The following DNAH14 variants were observed in gnomAD, a reference collection of about 807,000 sequenced individuals.
DNAH14 encodes the protein dynein axonemal heavy chain 14.
A neutral mutation model predicts 520.9 loss-of-function variants in DNAH14; 478 were observed. The ratio of observed to expected loss-of-function variants is 0.92; its 90% CI spans 0.85 to 0.99. DNAH14 has a LOEUF of 0.99. Ranked by LOEUF, DNAH14 falls within the 50% of genes least tolerant of loss-of-function variation. The pLI is 0.00. For missense variants in DNAH14, 4,831 were observed against 5,234.5 expected (o/e 0.92, Z 2.38); for synonymous variants, 1,581 against 1,757.2 (o/e 0.90, Z 2.51).
intron 8 of DNAH14, among the ~76,000 whole-genome samples, chr1:224,984,839 T>C (rs1446990320): frequency 6.6e-6 from 1 of 152,048 alleles, no homozygotes; most frequent in East Asian, 1.9e-4. Context: ...AAATAAGATA[T>C]ACAAATGGCT....
chr1:225,338,343 A>G, intron 68 of DNAH14, 161 bp downstream of exon 68: 1 of 886,028 alleles, frequency 1.1e-6, no homozygotes, highest in Non-Finnish European at 1.8e-6. Context: ...AGTATTCATC[A>G]GTATACAGAA....
chr1:225,190,282 A>C (rs541859507), intron 37 of DNAH14, among the ~76,000 whole-genome samples: 6 of 152,048 alleles, frequency 3.9e-5, no homozygotes, highest in African/African-American at 1.2e-4. Context: ...TGTGATCTCT[A>C]TCTCTCAAAA....
intron 6 of DNAH14, 25 bp from the exon 7 acceptor site, chr1:224,968,734 A>G: frequency 7.8e-7 from 1 of 1,286,184 alleles, no homozygotes; most frequent in African/African-American, 1.6e-5. Context: ...GAAATAAAAT[A>G]ATGCTTTTGT....
intron 15 of DNAH14, among the ~76,000 whole-genome samples, chr1:225,047,535 A>G (rs905665864): frequency 2.0e-5 from 3 of 152,220 alleles, no homozygotes; most frequent in African/African-American, 7.2e-5. Context: ...GGTATACCAT[A>G]TAGCCTAGGT....
At chr1:225,202,182 G>T (rs566558465) in intron 38 of DNAH14, among the ~76,000 whole-genome samples, 1 of 152,116 alleles carries the variant, frequency 6.6e-6, no homozygotes, top group Non-Finnish European at 1.5e-5. Context: ...GGCCCAGGAG[G>T]TGGCACTTTC....
intron 68 of DNAH14, 39 bp from the exon 69 acceptor site, chr1:225,340,418 A>T (rs1050837592): frequency 1.3e-6 from 2 of 1,490,656 alleles, no homozygotes; most frequent in Non-Finnish European, 1.8e-6. Flanking sequence ...TTTTTCTTCT[A>T]CATGTTCTTT....
intron 42 of DNAH14, among the ~76,000 whole-genome samples, chr1:225,236,920 T>C (rs1043720914): frequency 6.6e-6 from 1 of 152,204 alleles, no homozygotes; most frequent in Non-Finnish European, 1.5e-5. Context: ...TCATATGTAA[T>C]CATATACATA....
intron 27 of DNAH14, among the ~76,000 whole-genome samples, chr1:225,135,916 C>T (rs2078915247): frequency 6.6e-6 from 1 of 152,104 alleles, no homozygotes; most frequent in Non-Finnish European, 1.5e-5. Context: ...TAATGCCCTT[C>T]TTTGTCTTTT....
chr1:225,198,376 C>A (rs1222267598), intron 38 of DNAH14, among the ~76,000 whole-genome samples: 1 of 152,052 alleles, frequency 6.6e-6, no homozygotes, highest in East Asian at 1.9e-4. Context: ...ACCAACATGC[C>A]TGGCTAATTT....
intron 53 of DNAH14, among the ~76,000 whole-genome samples, chr1:225,276,371 T>C (rs371458171): frequency 6.6e-6 from 1 of 152,268 alleles, no homozygotes; most frequent in African/African-American, 2.4e-5. Flanking sequence ...ACTGAGGTTA[T>C]AGGAAGTTGA....
chr1:225,362,794 A>C (rs948455288), intron 75 of DNAH14, among the ~76,000 whole-genome samples: 6 of 152,182 alleles, frequency 3.9e-5, no homozygotes, highest in African/African-American at 1.4e-4. Flanking sequence ...GGAGAGGAAA[A>C]TGTGAAGAAA....
At chr1:225,272,671 G>A (rs2093345748) in intron 51 of DNAH14, among the ~76,000 whole-genome samples, 1 of 152,096 alleles carries the variant, frequency 6.6e-6, no homozygotes. Flanking sequence ...CTCCATGTTA[G>A]CACTGTAGTC....
chr1:225,168,541 C>A (rs1244709002), intron 36 of DNAH14, among the ~76,000 whole-genome samples: 2 of 152,342 alleles, frequency 1.3e-5, no homozygotes, highest in South Asian at 4.1e-4. Flanking sequence ...ACCCACGGAG[C>A]CTCACTCATG....
intron 64 of DNAH14, among the ~76,000 whole-genome samples, chr1:225,325,099 C>T (rs1200841314): frequency 6.6e-6 from 1 of 151,084 alleles, no homozygotes; most frequent in Non-Finnish European, 1.5e-5. Context: ...CCAAATTTCT[C>T]TCGGAAGATC....
intron 7 of DNAH14, among the ~76,000 whole-genome samples, chr1:224,970,463 C>G (rs2061438513): frequency 6.6e-6 from 1 of 152,144 alleles, no homozygotes; most frequent in Non-Finnish European, 1.5e-5. Context: ...CATGTGATCT[C>G]TGTGACCCAC....
At chr1:225,104,238 C>T (rs1266086006) in intron 23 of DNAH14, among the ~76,000 whole-genome samples, 1 of 152,186 alleles carries the variant, frequency 6.6e-6, no homozygotes, top group Non-Finnish European at 1.5e-5. Flanking sequence ...ATGAAGCCCA[C>T]TTGATCATGG....
intron 8 of DNAH14, among the ~76,000 whole-genome samples, chr1:224,986,710 A>G (rs2062670405): frequency 1.3e-5 from 2 of 152,218 alleles, no homozygotes; most frequent in Admixed American, 1.3e-4. Flanking sequence ...ACAGATTCAC[A>G]GCTAGCATTG....
intron 77 of DNAH14, among the ~76,000 whole-genome samples, chr1:225,374,453 G>C (rs1043706835): frequency 6.6e-6 from 1 of 150,850 alleles, no homozygotes; most frequent in African/African-American, 2.4e-5. Flanking sequence ...TAGAGATAGG[G>C]TTTCACCATG....
intron 8 of DNAH14, among the ~76,000 whole-genome samples, chr1:224,999,406 T>C (rs1471698959): frequency 6.6e-6 from 1 of 151,978 alleles, no homozygotes. Flanking sequence ...GGGTTCTCCA[T>C]GTTGGTCAGG....
Sources: allele counts gnomAD v4.1 joint callset (sites outside exome capture counted in the v4.1 genomes callset), GRCh38; gene constraint gnomAD v4.1.1; transcripts MANE v1.5; gene names NCBI Gene and HGNC (gene_info 2026-07-23, HGNC 2026-07-21).